The following LYPD6 variants were observed in gnomAD, a reference collection of about 807,000 sequenced individuals.
LYPD6 encodes ly6/PLAUR domain-containing protein 6.
LYPD6 carries 15 observed loss-of-function variants against 22.7 expected under a neutral mutation model. The ratio of observed to expected loss-of-function variants is 0.66; its 90% CI spans 0.44 to 1.02. The LOEUF (loss-of-function observed/expected upper bound fraction) is 1.02. Ranked by LOEUF, LYPD6 falls within the 50% of genes least tolerant of loss-of-function variation. The pLI is 0.00. For synonymous variants in LYPD6, 72 were observed against 77.5 expected, an observed-to-expected ratio of 0.93 and a Z score of 0.37; for missense variants, 189 against 208.4, an observed-to-expected ratio of 0.91 and a Z score of 0.57.
chr2:149,368,287 G>T (rs1681725685), intron 1 of LYPD6: 1 of 152,248 alleles, frequency 6.6e-6, no homozygotes, highest in Admixed American at 6.5e-5. Context: ...TAGGTATAAA[G>T]GTTTAGAAGC....
At chr2:149,336,165 G>T (rs1204680792) in intron 1 of LYPD6, among the ~76,000 whole-genome samples, 1 of 152,166 alleles carries the variant, frequency 6.6e-6, no homozygotes, top group African/African-American at 2.4e-5. Flanking sequence ...AGATCAATAG[G>T]TATATCTCTG....
intron 1 of LYPD6, among the ~76,000 whole-genome samples, chr2:149,347,519 C>T (rs889103265): frequency 4.6e-5 from 7 of 152,114 alleles, no homozygotes; most frequent in Non-Finnish European, 1.0e-4. Flanking sequence ...TTTGTTAAAG[C>T]GCTTGTTTAT....
At chr2:149,364,905 A>G (rs1681632301) in intron 1 of LYPD6, among the ~76,000 whole-genome samples, 1 of 152,180 alleles carries the variant, frequency 6.6e-6, no homozygotes, top group South Asian at 2.1e-4. Context: ...GACATTTTTC[A>G]GAAGTTTTCA....
intron 4 of LYPD6, among the ~76,000 whole-genome samples, chr2:149,470,001 C>T (rs1365215099): frequency 1.3e-5 from 2 of 152,160 alleles, no homozygotes; most frequent in South Asian, 4.1e-4. Context: ...TTGTCTGGGG[C>T]AAGGTTTGAG....
intron 3 of LYPD6, among the ~76,000 whole-genome samples, chr2:149,460,876 A>G (rs1249506503): frequency 1.3e-5 from 2 of 152,106 alleles, no homozygotes; most frequent in African/African-American, 4.8e-5. Flanking sequence ...GTGCACATCT[A>G]AATAATCCAC....
At chr2:149,474,651 T>C (rs1681421388), downstream of LYPD6, among the ~76,000 whole-genome samples, 1 of 152,220 alleles carries the variant, frequency 6.6e-6, no homozygotes, top group Non-Finnish European at 1.5e-5. Flanking sequence ...ATAGCTCTTA[T>C]TGCTGATCTC....
rs191777182 is a variant in LYPD6 at position 149,442,340 on chromosome 2, C to G, written c.118+4514C>G. On this transcript the variant is annotated intron_variant, in intron 2 of 4. Coordinates refer to ENST00000334166, the MANE Select transcript of LYPD6 (RefSeq NM_194317.5). Reference sequence around the variant, plus strand: ...ACAAAGACTAAATCTTTTCTGATACCGTACAAATAAATTATGGTCGGTTGA... The same window carrying G: ...ACAAAGACTAAATCTTTTCTGATACGGTACAAATAAATTATGGTCGGTTGA... Among the ~76,000 whole-genome samples the G allele has an allele frequency of 2.3e-4, 35 of 152,186 alleles. No homozygotes were observed. The East Asian group carries it at 6.4e-3, about 28-fold the overall frequency.
At chr2:149,386,354 A>G (rs910869875) in intron 1 of LYPD6, among the ~76,000 whole-genome samples, 1 of 152,220 alleles carries the variant, frequency 6.6e-6, no homozygotes, top group South Asian at 2.1e-4. Context: ...TAATAACGTT[A>G]TAGACATGGA....
At chr2:149,380,748 G>A (rs1480598441) in intron 1 of LYPD6, among the ~76,000 whole-genome samples, 4 of 152,116 alleles carry the variant, frequency 2.6e-5, no homozygotes, top group Admixed American at 6.6e-5. Flanking sequence ...ATGAGCATAC[G>A]GATGGTATTT....
At position 149,448,386 on chromosome 2, in the gene LYPD6, T is replaced by A. The variant is rs999234745; in HGVS notation, c.119-663T>A. ...AATCGGTCTACCAATGTCATTCTGA[T>A]TTCCCTAATTTTACTCTGTGTGTGT... On this transcript the variant is annotated intron_variant, in intron 2 of 4. Transcript: ENST00000334166. Among the ~76,000 whole-genome samples the A allele has an allele frequency of 9.2e-5, 14 of 152,344 alleles. 1 individual carries two copies. Among genetic ancestry groups the A allele is most frequent in the Admixed American group, 7.8e-4 (12 of 15,288 alleles).
At chr2:149,367,834 T>C (rs959323639) in intron 1 of LYPD6, 1 of 152,196 alleles carries the variant, frequency 6.6e-6, no homozygotes, top group Non-Finnish European at 1.5e-5. Flanking sequence ...CATACCCTTA[T>C]CTTTTCCTTC....
At chr2:149,442,063 A>G (rs570818152) in intron 2 of LYPD6, among the ~76,000 whole-genome samples, 7 of 152,310 alleles carry the variant, frequency 4.6e-5, no homozygotes, top group Admixed American at 1.3e-4. Flanking sequence ...TTCTGTCAGA[A>G]ATATGTGCAT....
chr2:149,405,051 T>C (rs1248446817), intron 1 of LYPD6, among the ~76,000 whole-genome samples: 4 of 152,232 alleles, frequency 2.6e-5, no homozygotes, highest in Non-Finnish European at 5.9e-5. Flanking sequence ...AATTTGCGTA[T>C]ATTGAACCAG....
At chr2:149,409,530 T>G (rs984709266) in intron 1 of LYPD6, among the ~76,000 whole-genome samples, 1 of 152,094 alleles carries the variant, frequency 6.6e-6, no homozygotes, top group Non-Finnish European at 1.5e-5. Flanking sequence ...ATGGCCTTTG[T>G]CTTTGGTTAC....
chr2:149,424,208 T>C (rs1454541833), intron 1 of LYPD6, among the ~76,000 whole-genome samples: 1 of 152,184 alleles, frequency 6.6e-6, no homozygotes, highest in Non-Finnish European at 1.5e-5. Flanking sequence ...AACAAATCGC[T>C]ATCAGAGACC....
chr2:149,343,542 C>G (rs1681200520), intron 1 of LYPD6, among the ~76,000 whole-genome samples: 2 of 152,154 alleles, frequency 1.3e-5, no homozygotes, highest in South Asian at 4.1e-4. Context: ...GAAAATCATG[C>G]TCGTTAATGA....
chr2:149,373,696 G>A (rs1340489536), intron 1 of LYPD6, among the ~76,000 whole-genome samples: 1 of 152,152 alleles, frequency 6.6e-6, no homozygotes, highest in African/African-American at 2.4e-5. Context: ...CAGCAAGATT[G>A]GCTTATTTGG....
intron 2 of LYPD6, among the ~76,000 whole-genome samples, chr2:149,441,433 A>C (rs1182659889): frequency 1.3e-5 from 2 of 152,192 alleles, no homozygotes; most frequent in Non-Finnish European, 2.9e-5. Context: ...CGATGCCCAG[A>C]ACAGCCATCA....
At chr2:149,422,685 C>CA (rs1200077947) in intron 1 of LYPD6, among the ~76,000 whole-genome samples, 1 of 152,104 alleles carries the variant, frequency 6.6e-6, no homozygotes, top group African/African-American at 2.4e-5. Flanking sequence ...CCATGCTGTA[C>CA]AACAGATCCC....
Sources: gnomAD v4.1 joint callset for allele counts (sites outside exome capture counted in the v4.1 genomes callset) on GRCh38, gnomAD v4.1.1 for gene constraint, MANE v1.5 for transcripts, NCBI Gene and HGNC (gene_info 2026-07-23, HGNC 2026-07-21) for gene names.